The following ARHGEF18 variants were observed in gnomAD, a reference collection of about 807,000 sequenced individuals.
ARHGEF18 encodes the protein rho guanine nucleotide exchange factor 18.
A neutral mutation model predicts 155.7 loss-of-function variants in ARHGEF18; 93 were observed. The observed-to-expected ratio is 0.60, with a 90% CI of 0.50 to 0.71. The LOEUF (loss-of-function observed/expected upper bound fraction) is 0.71. Among genes scored for constraint, ARHGEF18 ranks in the 30% least tolerant of loss-of-function variants. ARHGEF18 has a pLI of 0.00. For missense variants in ARHGEF18, 1,593 were observed against 1,816.1 expected (o/e 0.88, Z 2.23); for synonymous variants, 742 against 753.1 (o/e 0.99, Z 0.24).
In ARHGEF18 at chr19:7,467,414, G is replaced by A. The variant is rs1158316207; in HGVS notation, c.3210G>A (p.Trp1070Ter). The change falls in exon 26 of 29, where the codon TGG (tryptophan) becomes TGA (stop). Residue 1070 changes from tryptophan (W) to a stop codon, truncating the protein, a stop_gained. Coordinates refer to ENST00000668164, the MANE Select transcript of ARHGEF18 (RefSeq NM_001367823.1). LOFTEE classifies it high-confidence loss of function. ...QSQLRHEQQR[W>*]ERERQWQHQE... ...AGCTGCGGCACGAGCAGCAGCGCTGGGAGCGCGAGCGCCAGTGGCAGCACC... is the reference window on the plus strand; with the variant it reads ...AGCTGCGGCACGAGCAGCAGCGCTGAGAGCGCGAGCGCCAGTGGCAGCACC... 2 of 1,532,286 alleles carry A rather than the reference G, an allele frequency of 1.3e-6. No homozygotes were observed. Among genetic ancestry groups the A allele is most frequent in the Non-Finnish European group, 1.7e-6 (2 of 1,145,552 alleles). 94.9% of individuals were successfully genotyped at this position (1,532,286 alleles called of 1,614,324 possible).
At chr19:7,398,226 C>T (rs905424781) in intron 10 of ARHGEF18, among the ~76,000 whole-genome samples, 1 of 152,016 alleles carries the variant, frequency 6.6e-6, no homozygotes, top group Non-Finnish European at 1.5e-5. Flanking sequence ...TGTGCCACCA[C>T]GCCCAGCTAA....
In ARHGEF18 at chr19:7,375,864, A is replaced by T. The variant is rs1318278629; in HGVS notation, c.420A>T (p.Pro140=). 1.4e-5 allele frequency: 17 copies of T among 1,234,312 alleles called. No individual in the cohort carries two copies. The highest frequency in any genetic ancestry group is 1.7e-5 in the Non-Finnish European group (17 of 988,228). 76.5% of individuals were successfully genotyped at this position (1,234,312 alleles called of 1,614,324 possible). ...GGGGCGGGACCCCCGCAGAGAGCCC[A>T]GGCAAGGTGGGTATAACCTGCAGCC... ...LSGGGTPAES[P]GKECDSPKKR... The change falls in exon 4 of 29, where the codon CCA becomes CCT. Residue 140 remains proline, a synonymous_variant. Transcript: ENST00000668164.
Position 7,385,907 on chromosome 19 carries a change from CCTCTCTCCCTCTCTCTCT to C in ARHGEF18, c.967+2712_967+2729del, listed in dbSNP as rs1568285960. Among the ~76,000 whole-genome samples, 214 of 33,664 alleles carry C rather than the reference CCTCTCTCCCTCTCTCTCT, an allele frequency of 6.4e-3. 12 individuals carry two copies. The highest frequency in any genetic ancestry group is 0.044 in the African/African-American group (200 of 4,534). 22.1% of individuals were successfully genotyped at this position (33,664 alleles called of 152,430 possible). Reference sequence around the variant, plus strand: ...CTCTCCCTCCCTCCCTCTCTCTCTCCCTCTCTCCCTCTCTCTCTCTCTCTCTCTCCCCCTCTCCCTCTC... The same window carrying C: ...CTCTCCCTCCCTCCCTCTCTCTCTCCCTCTCTCTCTCCCCCTCTCCCTCTC... On this transcript the variant is annotated intron_variant, in intron 10 of 28. Coordinates refer to ENST00000668164, the MANE Select transcript of ARHGEF18 (RefSeq NM_001367823.1).
Position 7,456,368 on chromosome 19 carries a change from C to A in ARHGEF18, c.2146C>A (p.Gln716Lys), listed in dbSNP as rs1209727485. Reference protein sequence around the residue: ...ILLTDVLLLLQEKDQKYVFAS... With the variant: ...ILLTDVLLLLKEKDQKYVFAS... The stretch of plus-strand genomic sequence containing the variant: ...GCTGACCGACGTACTTTTGCTGCTA[C>A]AAGAAAAAGATCAGAAATACGTCTT... Residue 716 changes from glutamine (Q) to lysine (K), a missense_variant, in exon 18 of 29, where the codon CAA becomes AAA. Gln to Lys is a moderately conservative substitution (Grantham distance 53). Transcript: ENST00000668164. 1 of 1,614,012 alleles carries A rather than the reference C, an allele frequency of 6.2e-7. No homozygotes were observed. Among genetic ancestry groups the A allele is most frequent in the Non-Finnish European group, 8.5e-7 (1 of 1,180,020 alleles).
chr19:7,421,483 G>A (rs12983477), intron 10 of ARHGEF18, among the ~76,000 whole-genome samples: 75,274 of 152,036 alleles, frequency 0.5, 19,782 homozygotes, highest in Middle Eastern at 0.71. Flanking sequence ...AGCTTTGGCC[G>A]GTTGCAGTGG....
rs1203898370 is a variant in ARHGEF18 at position 7,440,031 on chromosome 19, A to G, written c.968-313A>G. ...AGACGCAGCTCTGTTTTCTAGAAGG[A>G]TCCCACCGAGGCATAAAAACGGCGC... On this transcript the variant is annotated intron_variant, in intron 10 of 28. Coordinates refer to ENST00000668164, the MANE Select transcript of ARHGEF18 (RefSeq NM_001367823.1). The surrounding 1 kb of genome is among the most constrained non-coding windows in gnomAD (Gnocchi z 5.4). The G allele has an allele frequency of 6.4e-7, 1 of 1,550,562 alleles. No homozygotes were observed. Among genetic ancestry groups the G allele is most frequent in the South Asian group, 1.2e-5 (1 of 84,014 alleles).
chr19:7,358,876 C>T lies in ARHGEF18; in HGVS notation c.-110-3905C>T, dbSNP rs1173322572. Among the ~76,000 whole-genome samples the T allele has an allele frequency of 2.0e-5, 3 of 152,154 alleles. No homozygotes were observed. In the South Asian group the frequency reaches 6.2e-4, roughly 32 times the overall value. ...CCAGACATATAGAAAGTGATTGATA[C>T]AAGATTTTACCTTTTGGAGCTTGGG... On this transcript the variant is annotated intron_variant, in intron 1 of 28. Coordinates refer to ENST00000668164, the MANE Select transcript of ARHGEF18 (RefSeq NM_001367823.1).
chr19:7,436,466 C>T (rs1276737680), intron 10 of ARHGEF18, among the ~76,000 whole-genome samples: 1 of 151,962 alleles, frequency 6.6e-6, no homozygotes, highest in Non-Finnish European at 1.5e-5. Context: ...TTAGTAGAGA[C>T]AGGTTTTCCC....
chr19:7,369,599 G>A (rs980211424), intron 2 of ARHGEF18, among the ~76,000 whole-genome samples: 2 of 151,882 alleles, frequency 1.3e-5, no homozygotes, highest in Admixed American at 1.3e-4. Context: ...GAGTTCAAGA[G>A]CAGCCTGGCC....
At chr19:7,393,944 G>T (rs987287319) in intron 10 of ARHGEF18, among the ~76,000 whole-genome samples, 4 of 151,130 alleles carry the variant, frequency 2.6e-5, no homozygotes, top group African/African-American at 9.8e-5. Context: ...CTATGTTGGG[G>T]TGTCTGAGAC....
intron 10 of ARHGEF18, among the ~76,000 whole-genome samples, chr19:7,406,136 G>A (rs1220692152): frequency 2.6e-5 from 4 of 152,006 alleles, no homozygotes; most frequent in Non-Finnish European, 5.9e-5. Context: ...GCTGGAGTGC[G>A]TTGGCGCTAT....
intron 13 of ARHGEF18, among the ~76,000 whole-genome samples, chr19:7,443,696 T>A (rs1974813231): frequency 6.6e-6 from 1 of 151,748 alleles, no homozygotes; most frequent in Admixed American, 6.6e-5. Flanking sequence ...ATGTGATGGA[T>A]GAGTTTTAAC....
chr19:7,467,825 T>C, intron 26 of ARHGEF18, 141 bp downstream of exon 26: 1 of 826,136 alleles, frequency 1.2e-6, no homozygotes, highest in Non-Finnish European at 1.7e-6. Flanking sequence ...ACCCTTGCAT[T>C]AACAGCTCAT....
At chr19:7,441,397 C>T (rs568316226) in intron 11 of ARHGEF18, among the ~76,000 whole-genome samples, 1 of 152,198 alleles carries the variant, frequency 6.6e-6, no homozygotes, top group South Asian at 2.1e-4. Context: ...GCGAGCTGGT[C>T]TCGAACTCCT....
At chr19:7,394,513 C>T (rs1223205246) in intron 10 of ARHGEF18, among the ~76,000 whole-genome samples, 1 of 152,038 alleles carries the variant, frequency 6.6e-6, no homozygotes, top group Non-Finnish European at 1.5e-5. Context: ...GTTGATTCTT[C>T]CAAAACACCC....
chr19:7,450,628 C>A (rs1975346109), intron 15 of ARHGEF18, among the ~76,000 whole-genome samples: 3 of 112,824 alleles, frequency 2.7e-5, no homozygotes, highest in African/African-American at 1.0e-4. Context: ...CTTTCCATTT[C>A]CATTTCCAAG....
chr19:7,413,034 C>T (rs1019638564), intron 10 of ARHGEF18, among the ~76,000 whole-genome samples: 4 of 152,102 alleles, frequency 2.6e-5, no homozygotes, highest in Admixed American at 1.3e-4. Flanking sequence ...TGACCTTTGG[C>T]ATTTCAGCCA....
intron 10 of ARHGEF18, among the ~76,000 whole-genome samples, chr19:7,402,222 C>G (rs777661002): frequency 2.6e-5 from 4 of 152,116 alleles, no homozygotes; most frequent in South Asian, 2.1e-4. Context: ...AGTTCGAGAC[C>G]AGCCTGGCCA....
chr19:7,461,322 G>T (rs996130719), intron 20 of ARHGEF18, among the ~76,000 whole-genome samples: 5 of 152,152 alleles, frequency 3.3e-5, no homozygotes, highest in African/African-American at 9.6e-5. Context: ...GCCAAAGCAG[G>T]TGGATCATTT....
Sources: allele counts gnomAD v4.1 joint callset (sites outside exome capture counted in the v4.1 genomes callset), GRCh38; gene constraint gnomAD v4.1.1; non-coding constraint Gnocchi (gnomAD v3.1); transcripts MANE v1.5; gene names NCBI Gene and HGNC (gene_info 2026-07-23, HGNC 2026-07-21).